ZKSCAN4: variants seen among roughly 807,000 people sequenced by gnomAD.
ZKSCAN4 encodes the protein zinc finger with KRAB and SCAN domains 4.
Under a neutral mutation model 30.8 loss-of-function variants are expected in ZKSCAN4, and 23 were observed. The ratio of observed to expected loss-of-function variants is 0.75; its 90% confidence interval spans 0.54 to 1.06. The LOEUF is 1.06. Ranked by LOEUF, ZKSCAN4 falls within the 50% of genes least tolerant of loss-of-function variation. The pLI, the probability that ZKSCAN4 is intolerant of heterozygous loss-of-function variation, is 0.00. For synonymous variants in ZKSCAN4, 208 were observed against 252.5 expected, an observed-to-expected ratio of 0.82 and a Z score of 1.67; for missense variants, 556 against 665.4, an observed-to-expected ratio of 0.84 and a Z score of 1.81.
At chr6:28,257,067 C>A (rs1374909073), upstream of ZKSCAN4, among the ~76,000 whole-genome samples, 1 of 152,174 alleles carries the variant, frequency 6.6e-6, no homozygotes, top group African/African-American at 2.4e-5. Flanking sequence ...AAAACAATTT[C>A]ATTCTTCCCA....
At chr6:28,257,805 C>T in the ZKSCAN4 span, among the ~76,000 whole-genome samples, 6 of 152,128 alleles carry the variant, frequency 3.9e-5, no homozygotes, top group African/African-American at 9.7e-5. Context: ...TGTGTCGCTA[C>T]CTGAAAGAAG....
At chr6:28,253,890 G>A (rs984614527), upstream of ZKSCAN4, among the ~76,000 whole-genome samples, 5 of 152,134 alleles carry the variant, frequency 3.3e-5, no homozygotes, top group Non-Finnish European at 7.4e-5. This position sits in a 1 kb window ranked among gnomAD's most constrained non-coding sequence, Gnocchi z 4.2. Context: ...GGCCTCAAGT[G>A]ATCTGCCCAC....
rs1760902957 is a variant in ZKSCAN4 at position 28,249,728 on chromosome 6, AAC to A, written c.528_529del (p.Phe177GlnfsTer3). 1 of 1,613,998 alleles carries A rather than the reference AAC, an allele frequency of 6.2e-7. No individual in the cohort carries two copies. The highest frequency in any genetic ancestry group is 1.3e-5 in the African/African-American group (1 of 74,872). On this transcript the variant is annotated frameshift_variant, in exon 2 of 5. Transcript: ENST00000377294. LOFTEE classifies it high-confidence loss of function. This position sits in a 1 kb window ranked among gnomAD's most constrained non-coding sequence, Gnocchi z 4.1. ...CTGGGATCCCAGAGATTCATGCTTG[AAC>A]AGAGCCTTCATTGGCTGGCACTGGC...
chr6:28,252,104 GC>G lies in ZKSCAN4; in HGVS notation c.-125del. ...GGTCCCCCTCCTGTCATGCCCAGGG[GC>G]CCAGGACACCCCCTGAGGCGCAGCT... On this transcript the variant is annotated 5_prime_UTR_variant, in exon 1 of 5. Coordinates refer to ENST00000377294, the MANE Select transcript of ZKSCAN4 (RefSeq NM_019110.5). The G allele has an allele frequency of 9.3e-7, 1 of 1,076,946 alleles. No homozygotes were observed. Among genetic ancestry groups the G allele is most frequent in the Non-Finnish European group, 1.3e-6 (1 of 759,186 alleles). 66.7% of individuals were successfully genotyped at this position (1,076,946 alleles called of 1,614,324 possible). A position where few individuals can be genotyped will look rare whatever the true frequency, so the allele number is the denominator to read the frequency against.
chr6:28,258,274 T>C, the ZKSCAN4 span, among the ~76,000 whole-genome samples: 1 of 152,216 alleles, frequency 6.6e-6, no homozygotes, highest in East Asian at 1.9e-4. Context: ...TGTTAATGCC[T>C]ATTTACATTT....
At chr6:28,252,372 T>G (rs1272289730), upstream of ZKSCAN4, 1 of 165,062 alleles carries the variant, frequency 6.1e-6, no homozygotes, top group East Asian at 1.7e-4. Flanking sequence ...TACCCTGTCC[T>G]TACCTCCACG....
Position 28,245,472 on chromosome 6 carries a change from C to G in ZKSCAN4, c.1282G>C (p.Gly428Arg). 3 of 1,614,196 alleles carry G rather than the reference C, an allele frequency of 1.9e-6. No homozygotes were observed. Among genetic ancestry groups the G allele is most frequent in the Non-Finnish European group, 2.5e-6 (3 of 1,180,042 alleles). Residue 428 changes from glycine to arginine, a missense_variant, in exon 5 of 5, where the codon GGG (glycine) becomes CGG (arginine). By Grantham distance (125) the Gly-to-Arg change is moderately radical. Coordinates refer to ENST00000377294, the MANE Select transcript of ZKSCAN4 (RefSeq NM_019110.5). Reference sequence around the variant, plus strand: ...ATATTGCACTGGTATGGCTTCTCCCCAGTATGAATTTTGTGATGTTCAAGG... The same window carrying G: ...ATATTGCACTGGTATGGCTTCTCCCGAGTATGAATTTTGTGATGTTCAAGG... Reference protein sequence around the residue: ...SLLEHHKIHTGEKPYQCNMCG... With the variant: ...SLLEHHKIHTREKPYQCNMCG...
chr6:28,247,634 A>C (rs761081742), intron 3 of ZKSCAN4, among the ~76,000 whole-genome samples: 2 of 152,250 alleles, frequency 1.3e-5, no homozygotes, highest in Non-Finnish European at 2.9e-5. Context: ...GCCTTATCTG[A>C]CCTTTCAAGT....
In ZKSCAN4 at chr6:28,251,724, A is replaced by G. The variant is rs993580397; in HGVS notation, c.257T>C (p.Met86Thr). Residue 86 changes from methionine to threonine, a missense_variant, in exon 1 of 5, where the codon ATG (methionine) becomes ACG (threonine). Met to Thr is a moderately conservative substitution (Grantham distance 81, BLOSUM62 -1). Coordinates refer to ENST00000377294, the MANE Select transcript of ZKSCAN4 (RefSeq NM_019110.5). This position sits in a 1 kb window ranked among gnomAD's most constrained non-coding sequence, Gnocchi z 4.5. ...CTCCAGGATCTGCTCCTTGCTGTGCATCTCAGGCTGCAGCCATTGTCCGCA... is the reference window on the plus strand; with the variant it reads ...CTCCAGGATCTGCTCCTTGCTGTGCGTCTCAGGCTGCAGCCATTGTCCGCA... ...ELCGQWLQPE[M>T]HSKEQILELL... 2.5e-6 allele frequency: 4 copies of G among 1,614,044 alleles called. No homozygotes were observed. The African/African-American group carries it at 5.3e-5, about 22-fold the overall frequency.
rs946314648 is a variant in ZKSCAN4, at chr6:28,242,191, G to A, written c.*2925C>T. On this transcript the variant is annotated 3_prime_UTR_variant, in exon 5 of 5. Transcript: ENST00000377294. ...AATATGAAAAGTGGCATTTTATTGT[G>A]CTTTATATACTGCTTATATCTCAAC... Among the ~76,000 whole-genome samples the A allele has an allele frequency of 6.6e-6, 1 of 152,018 alleles. No individual in the cohort carries two copies. Among genetic ancestry groups the A allele is most frequent in the Non-Finnish European group, 1.5e-5 (1 of 67,982 alleles).
rs2113692559 is a variant in ZKSCAN4 at position 28,252,250 on chromosome 6, A to G, written c.-270T>C. The G allele has an allele frequency of 3.4e-6, 1 of 297,922 alleles. No individual in the cohort carries two copies. Among genetic ancestry groups the G allele is most frequent in the Non-Finnish European group, 6.1e-6 (1 of 163,062 alleles). The allele number at this position is 297,922 out of a possible 1,614,324, so 18.5% of individuals were successfully genotyped here. A position where few individuals can be genotyped will look rare whatever the true frequency, so the allele number is the denominator to read the frequency against. On this transcript the variant is annotated 5_prime_UTR_variant, in exon 1 of 5. It removes an upstream start codon present in the reference 5' UTR. Coordinates refer to ENST00000377294, the MANE Select transcript of ZKSCAN4 (RefSeq NM_019110.5). ...GAGTGAAAGTGATCACTCTCCAGAC[A>G]TAGGAGGGAAGTTGAGGCTGGGGCA...
chr6:28,249,791 ATCTTGCAACAGAGCAGT>A lies in ZKSCAN4; in HGVS notation c.450_466del (p.Glu150AspfsTer13). ...CCCTTGAGTTTGTGTCAATAGTGCC[ATCTTGCAACAGAGCAGT>A]TCTTGCCCCTGGTCACCAACGGGAA... On this transcript the variant is annotated frameshift_variant, in exon 2 of 5. Transcript: ENST00000377294. LOFTEE classifies it high-confidence loss of function. The surrounding 1 kb of genome is among the most constrained non-coding windows in gnomAD (Gnocchi z 4.1). The A allele has an allele frequency of 6.2e-7, 1 of 1,614,146 alleles. No individual in the cohort carries two copies. The highest frequency in any genetic ancestry group is 8.5e-7 in the Non-Finnish European group (1 of 1,180,008).
rs1053743852 is a variant in ZKSCAN4, at chr6:28,249,096, G to C, written c.571+591C>G. 1.3e-5 allele frequency among the ~76,000 whole-genome samples: 2 copies of C among 152,196 alleles called. No homozygotes were observed. Among genetic ancestry groups the C allele is most frequent in the African/African-American group, 4.8e-5 (2 of 41,442 alleles). On this transcript the variant is annotated intron_variant, in intron 2 of 4. Transcript: ENST00000377294. This position sits in a 1 kb window ranked among gnomAD's most constrained non-coding sequence, Gnocchi z 4.1. ...GTTGTATGTCTTAGGAATCGGCCCAGATGTTCACAGCAGATGAGGAACAGC... is the reference window on the plus strand; with the variant it reads ...GTTGTATGTCTTAGGAATCGGCCCACATGTTCACAGCAGATGAGGAACAGC...
chr6:28,252,238 C>T lies in ZKSCAN4; in HGVS notation c.-258G>A, dbSNP rs1164125662. 4 of 335,738 alleles carry T rather than the reference C, an allele frequency of 1.2e-5. No homozygotes were observed. The highest frequency in any genetic ancestry group is 2.1e-5 in the Non-Finnish European group (4 of 186,642). The allele number at this position is 335,738 out of a possible 1,614,324, so 20.8% of individuals were successfully genotyped here. ...GGATGTCTTTGGGAGTGAAAGTGAT[C>T]ACTCTCCAGACATAGGAGGGAAGTT... On this transcript the variant is annotated 5_prime_UTR_variant, in exon 1 of 5. An upstream open reading frame in the 5' UTR loses its in-frame stop. Transcript: ENST00000377294.
At position 28,245,593 on chromosome 6, in the gene ZKSCAN4, G is replaced by T; in HGVS notation, c.1161C>A (p.His387Gln). 6 of 1,614,076 alleles carry T rather than the reference G, an allele frequency of 3.7e-6. No homozygotes were observed. The highest frequency in any genetic ancestry group is 4.2e-6 in the Non-Finnish European group (5 of 1,179,982). ...TCTGGTGTTTGATAAGGTTTGAGCTGTGACTGAAGACCTTACCACATTCTT... is the reference window on the plus strand; with the variant it reads ...TCTGGTGTTTGATAAGGTTTGAGCTTTGACTGAAGACCTTACCACATTCTT... ...ECEECGKVFS[H>Q]SSNLIKHQRT... Residue 387 changes from histidine (H) to glutamine (Q), a missense_variant, in exon 5 of 5, where the codon CAC becomes CAA. By Grantham distance (24) the His-to-Gln change is conservative (BLOSUM62 0). Coordinates refer to ENST00000377294, the MANE Select transcript of ZKSCAN4 (RefSeq NM_019110.5).
chr6:28,254,225 G>A (rs997171515), upstream of ZKSCAN4, among the ~76,000 whole-genome samples: 3 of 152,164 alleles, frequency 2.0e-5, no homozygotes, highest in Non-Finnish European at 4.4e-5. Flanking sequence ...TACAGAGCAG[G>A]GCTACCCCCT....
chr6:28,246,654 C>A (rs3817820), intron 4 of ZKSCAN4, among the ~76,000 whole-genome samples: 142 of 152,252 alleles, frequency 9.3e-4, no homozygotes, highest in African/African-American at 3.1e-3. Context: ...GAGGCCCCCC[C>A]CTCCCCGCAG....
At position 28,252,201 on chromosome 6, in the gene ZKSCAN4, A is replaced by G; in HGVS notation, c.-221T>C. 1 of 409,130 alleles carries G rather than the reference A, an allele frequency of 2.4e-6. No individual in the cohort carries two copies. The highest frequency in any genetic ancestry group is 4.3e-6 in the Non-Finnish European group (1 of 232,020). 25.3% of individuals were successfully genotyped at this position (409,130 alleles called of 1,614,324 possible). ...GCACCCCACTCTGAATCCCACAGTAAGTATCACCAAAGGATGTCTTTGGGA... is the reference window on the plus strand; with the variant it reads ...GCACCCCACTCTGAATCCCACAGTAGGTATCACCAAAGGATGTCTTTGGGA... On this transcript the variant is annotated 5_prime_UTR_variant, in exon 1 of 5. Coordinates refer to ENST00000377294, the MANE Select transcript of ZKSCAN4 (RefSeq NM_019110.5).
chr6:28,246,942 T>TA, intron 4 of ZKSCAN4, 27 bp downstream of exon 4: 1 of 1,591,862 alleles, frequency 6.3e-7, no homozygotes, highest in Non-Finnish European at 8.5e-7. Context: ...CAAGAAATCT[T>TA]AAGACAAATT....
Sources: allele counts gnomAD v4.1 joint callset (sites outside exome capture counted in the v4.1 genomes callset), GRCh38; gene constraint gnomAD v4.1.1; non-coding constraint Gnocchi (gnomAD v3.1); transcripts MANE v1.5; gene names NCBI Gene and HGNC (gene_info 2026-07-23, HGNC 2026-07-21).